USH2A: variants seen among roughly 807,000 people sequenced by gnomAD.
The protein encoded by USH2A is Usher syndrome 2A (autosomal recessive, mild).
In USH2A, 443 loss-of-function variants were observed where a neutral mutation model predicts 538.9. That is an observed-to-expected ratio of 0.82 (90% CI 0.76 to 0.89). The LOEUF (loss-of-function observed/expected upper bound fraction) is 0.89, where lower values mean the gene tolerates loss of function less well. Ranked by LOEUF, USH2A falls within the 40% of genes least tolerant of loss-of-function variation. The pLI, the probability that USH2A is intolerant of heterozygous loss-of-function variation, is 0.00. For missense variants in USH2A, 6,633 were observed against 6,324.8 expected (o/e 1.05, Z -1.65); for synonymous variants, 2,413 against 2,273.5 (o/e 1.06, Z -1.75).
chr1:216,289,868 T>C (rs561701236), intron 10 of USH2A, among the ~76,000 whole-genome samples: 1 of 152,306 alleles, frequency 6.6e-6, no homozygotes, highest in South Asian at 2.1e-4. Flanking sequence ...CTTCTCTTAA[T>C]ATAATTTATT....
intron 9 of USH2A, among the ~76,000 whole-genome samples, chr1:216,312,804 T>C (rs1053825266): frequency 2.0e-5 from 3 of 152,180 alleles, no homozygotes; most frequent in African/African-American, 7.2e-5. Context: ...ATTTTTGCTC[T>C]CTCTCTTCAA....
chr1:215,728,368 C>G lies in USH2A; in HGVS notation c.11728G>C (p.Glu3910Gln), dbSNP rs1436435041. ...CAGACAAATAAAACAGACTCCTCTT[C>G]AATGCCAGCAGGGCGTCTGAAAGGA... ...YFIYRRPAGI[E>Q]EESVLFVWSE... Residue 3910 changes from glutamate to glutamine, a missense_variant, in exon 61 of 72, where the codon GAA becomes CAA. Glu to Gln is a conservative substitution (Grantham distance 29, BLOSUM62 2). Coordinates refer to ENST00000307340, the MANE Select transcript of USH2A (RefSeq NM_206933.4). 6.2e-7 allele frequency: 1 copy of G among 1,614,104 alleles called. No homozygotes were observed. The highest frequency in any genetic ancestry group is 1.7e-5 in the Admixed American group (1 of 59,994).
intron 64 of USH2A, among the ~76,000 whole-genome samples, chr1:215,652,547 C>T (rs1657116383): frequency 2.0e-5 from 3 of 152,224 alleles, no homozygotes; most frequent in Admixed American, 1.3e-4. Flanking sequence ...CATCAGAATA[C>T]AACTGCAGCT....
At chr1:215,901,474 C>A (rs541827261) in intron 38 of USH2A, 1 of 160,158 alleles carries the variant, frequency 6.2e-6, no homozygotes, top group East Asian at 1.8e-4. Context: ...AATGCTCACC[C>A]ATGAAAATAT....
At chr1:215,767,859 T>A (rs919543926) in intron 55 of USH2A, among the ~76,000 whole-genome samples, 5 of 152,138 alleles carry the variant, frequency 3.3e-5, no homozygotes, top group African/African-American at 4.8e-5. Context: ...TTACAAGACA[T>A]CTCTCTCTTG....
rs1553252937 is a variant in USH2A, at chr1:215,680,311, CACA to C, written c.12129_12131del (p.Val4044del). ...AAATTTCTCCTGCATGGTTTGCAGC[CACA>C]ACACCAATGCGATATGTTGTGAATG... On this transcript the variant is annotated inframe_deletion, in exon 62 of 72. Transcript: ENST00000307340. 1 of 1,613,932 alleles carries C rather than the reference CACA, an allele frequency of 6.2e-7. No individual in the cohort carries two copies. Among genetic ancestry groups the C allele is most frequent in the African/African-American group, 1.3e-5 (1 of 74,882 alleles).
chr1:215,867,317 T>C (rs1049881084), intron 43 of USH2A, 147 bp from the exon 44 acceptor site: 10 of 916,252 alleles, frequency 1.1e-5, no homozygotes, highest in Non-Finnish European at 1.6e-5. Context: ...AGAAAATACA[T>C]TATTTTATTT....
intron 5 of USH2A, among the ~76,000 whole-genome samples, chr1:216,326,802 A>C (rs914123470): frequency 6.6e-6 from 1 of 152,062 alleles, no homozygotes; most frequent in South Asian, 2.1e-4. Context: ...AACCCACCAC[A>C]CTAATTTATA....
At chr1:216,117,503 T>TAC (rs921688894) in intron 21 of USH2A, among the ~76,000 whole-genome samples, 2 of 152,126 alleles carry the variant, frequency 1.3e-5, no homozygotes, top group Non-Finnish European at 2.9e-5. Flanking sequence ...ATGGTAACAA[T>TAC]ACACATATTT....
At chr1:215,712,587 T>C (rs1379461953) in intron 61 of USH2A, among the ~76,000 whole-genome samples, 1 of 152,190 alleles carries the variant, frequency 6.6e-6, no homozygotes, top group African/African-American at 2.4e-5. Flanking sequence ...AAGTCAACCT[T>C]TGGAGGAGCT....
chr1:215,727,392 T>G (rs1346589064), intron 61 of USH2A, among the ~76,000 whole-genome samples: 3 of 152,148 alleles, frequency 2.0e-5, no homozygotes, highest in African/African-American at 7.2e-5. Context: ...ATTACATTAT[T>G]CCCATTTAGT....
At chr1:215,763,866 T>A (rs10159207) in intron 56 of USH2A, among the ~76,000 whole-genome samples, 18,753 of 151,612 alleles carry the variant, frequency 0.12, 1,270 homozygotes, top group African/African-American at 0.14. Context: ...ACAATTTTTT[T>A]AAAAAAAATT....
rs772624410 is a variant in USH2A at position 216,321,956 on chromosome 1, G to A, written c.1571C>T (p.Ala524Val). Reference protein sequence around the residue: ...ISGRCQCHGHADNCDTTSQPY... With the variant: ...ISGRCQCHGHVDNCDTTSQPY... ...CTGGCTTGTTGTGTCGCAGTTATCG[G>A]CATGACCATGGCACTGACATCTGCA... The change falls in exon 9 of 72, where the codon GCC becomes GTC. Residue 524 changes from alanine to valine, a missense_variant. By Grantham distance (64) the Ala-to-Val change is moderately conservative. Transcript: ENST00000307340. 2 of 1,613,790 alleles carry A rather than the reference G, an allele frequency of 1.2e-6. No individual in the cohort carries two copies. Among genetic ancestry groups the A allele is most frequent in the African/African-American group, 1.3e-5 (1 of 75,004 alleles).
chr1:216,173,109 G>C (rs2034303218), intron 21 of USH2A, among the ~76,000 whole-genome samples: 1 of 152,108 alleles, frequency 6.6e-6, no homozygotes, highest in Non-Finnish European at 1.5e-5. Context: ...TAAGAATAAT[G>C]TAAGATGCTA....
intron 58 of USH2A, 122 bp downstream of exon 58, chr1:215,758,473 T>C (rs1660877630): frequency 7.2e-6 from 9 of 1,255,830 alleles, no homozygotes; most frequent in African/African-American, 1.5e-5. Context: ...TTTCTGTTCA[T>C]ATTTATCCAG....
At position 216,099,099 on chromosome 1, in the gene USH2A, T is replaced by G. The variant is rs956580277; in HGVS notation, c.4628-1886A>C. ...AAAGGTTAAGTTTAGGATACAAGCT[T>G]TAGACTTTCCAAGAAGGCAAATCAA... On this transcript the variant is annotated intron_variant, in intron 21 of 71. Coordinates refer to ENST00000307340, the MANE Select transcript of USH2A (RefSeq NM_206933.4). Among the ~76,000 whole-genome samples the G allele has an allele frequency of 1.4e-3, 216 of 152,342 alleles. 1 individual carries two copies. Among genetic ancestry groups the G allele is most frequent in the South Asian group, 2.1e-4 (1 of 4,834 alleles).
chr1:216,403,745 C>T (rs2039346066), intron 3 of USH2A, among the ~76,000 whole-genome samples: 1 of 152,178 alleles, frequency 6.6e-6, no homozygotes, highest in African/African-American at 2.4e-5. Flanking sequence ...TATAGTTTGG[C>T]TGTGTCTCCA....
intron 32 of USH2A, among the ~76,000 whole-genome samples, chr1:216,036,863 C>T (rs2030003230): frequency 6.6e-6 from 1 of 152,036 alleles, no homozygotes; most frequent in South Asian, 2.1e-4. Context: ...TACTGATTTA[C>T]TCTCCCTCCT....
chr1:216,408,850 G>A (rs1223835050), intron 3 of USH2A, among the ~76,000 whole-genome samples: 1 of 152,126 alleles, frequency 6.6e-6, no homozygotes, highest in Non-Finnish European at 1.5e-5. Context: ...AGACAATATG[G>A]AGAAGCTGCT....
Sources: allele counts gnomAD v4.1 joint callset (sites outside exome capture counted in the v4.1 genomes callset), GRCh38; gene constraint gnomAD v4.1.1; transcripts MANE v1.5; gene names NCBI Gene and HGNC (gene_info 2026-07-23, HGNC 2026-07-21).